PCDHGA3: variants seen among roughly 807,000 people sequenced by gnomAD.
PCDHGA3 encodes the protein protocadherin gamma-A3.
In PCDHGA3, 40 loss-of-function variants were observed where a neutral mutation model predicts 58.5. That is an observed-to-expected ratio of 0.68 (90% confidence interval 0.53 to 0.89). The LOEUF (loss-of-function observed/expected upper bound fraction) is 0.89. Among genes scored for constraint, PCDHGA3 ranks in the 40% least tolerant of loss-of-function variants. The pLI, the probability that PCDHGA3 is intolerant of heterozygous loss-of-function variation, is 0.00. For missense variants in PCDHGA3, 1,223 were observed against 1,195.9 expected (o/e 1.02, Z -0.33); for synonymous variants, 530 against 525.7 (o/e 1.01, Z -0.11).
chr5:141,422,272 A>T, intron 1 of PCDHGA3: 13 of 1,561,362 alleles, frequency 8.3e-6, no homozygotes, highest in Non-Finnish European at 1.1e-5. Context: ...TCCAGAAATA[A>T]CTATCACCTC....
rs996556361 is a variant in PCDHGA3, at chr5:141,511,290, A to G, written c.*117A>G. 1.3e-6 allele frequency: 2 copies of G among 1,516,984 alleles called. No homozygotes were observed. The highest frequency in any genetic ancestry group is 1.8e-6 in the Non-Finnish European group (2 of 1,129,124). The allele number at this position is 1,516,984 out of a possible 1,614,324, so 94.0% of individuals were successfully genotyped here. ...AACCCCCAGAATACTGGTAGGGGCC[A>G]AGGCCATGCTCCCCTTGGGAAACAG... is the stretch of plus-strand genomic sequence containing the variant. On this transcript the variant is annotated 3_prime_UTR_variant, in exon 4 of 4. Coordinates refer to ENST00000253812, the MANE Select transcript of PCDHGA3 (RefSeq NM_018916.4).
At chr5:141,433,401 A>ATCTATCTATCTC (rs1444244130) in intron 1 of PCDHGA3, among the ~76,000 whole-genome samples, 15 of 150,598 alleles carry the variant, frequency 1.0e-4, no homozygotes, top group African/African-American at 3.4e-4. Flanking sequence ...CTATCTATCT[A>ATCTATCTATCTC]TCTATTACTT....
intron 1 of PCDHGA3, chr5:141,364,349 G>T (rs758855393): frequency 6.5e-6 from 10 of 1,549,456 alleles, no homozygotes; most frequent in Middle Eastern, 1.7e-4. Context: ...TCCACCTAGG[G>T]GCTGGGGCTG....
At chr5:141,388,597 A>G (rs1277451358) in intron 1 of PCDHGA3, 1 of 1,613,752 alleles carries the variant, frequency 6.2e-7, no homozygotes, top group Non-Finnish European at 8.5e-7. Context: ...GCCAATGATA[A>G]TGCTCCAGTG....
intron 1 of PCDHGA3, chr5:141,415,950 A>G (rs996935488): frequency 4.0e-6 from 2 of 498,646 alleles, no homozygotes; most frequent in Non-Finnish European, 6.1e-6. Flanking sequence ...GGGTGGTCAC[A>G]TATTGAAACT....
chr5:141,464,306 A>G (rs1438401635), intron 1 of PCDHGA3, among the ~76,000 whole-genome samples: 3 of 150,952 alleles, frequency 2.0e-5, no homozygotes. Context: ...TTGTATGTGC[A>G]CATATCATTA....
chr5:141,348,328 G>A (rs933861789), intron 1 of PCDHGA3, among the ~76,000 whole-genome samples: 4 of 152,170 alleles, frequency 2.6e-5, no homozygotes, highest in African/African-American at 7.2e-5. Context: ...GAATTTAAAA[G>A]GCCCATAGCC....
chr5:141,508,409 G>T (rs143032030), intron 3 of PCDHGA3: 4 of 152,276 alleles, frequency 2.6e-5, no homozygotes, highest in South Asian at 2.1e-4. Context: ...CTTGAGCCAC[G>T]CAGAGACTTG....
Position 141,474,403 on chromosome 5 carries a change from C to T in PCDHGA3, c.2425-20404C>T, listed in dbSNP as rs553745731. ...ATTTCTGCATTTCTAACAAGCTCCC[C>T]GGTGATGCCTAGACCATTGGTCCTC... is the stretch of plus-strand genomic sequence containing the variant. On this transcript the variant is annotated intron_variant, in intron 1 of 3. Coordinates refer to ENST00000253812, the MANE Select transcript of PCDHGA3 (RefSeq NM_018916.4). Among the ~76,000 whole-genome samples, 121 of 152,282 alleles carry T rather than the reference C, an allele frequency of 7.9e-4. 1 individual carries two copies. Among genetic ancestry groups the T allele is most frequent in the Admixed American group, 3.9e-3 (59 of 15,292 alleles).
chr5:141,408,108 A>T, intron 1 of PCDHGA3: 1 of 1,441,874 alleles, frequency 6.9e-7, no homozygotes, highest in Non-Finnish European at 9.1e-7. Flanking sequence ...GAGACCCGGG[A>T]CTCCTCCTGT....
At chr5:141,478,074 A>G in intron 1 of PCDHGA3, 1 of 1,614,090 alleles carries the variant, frequency 6.2e-7, no homozygotes, top group Non-Finnish European at 8.5e-7. Context: ...GACAATGGGG[A>G]GCCTTCGCTC....
rs1156915249 is a variant in PCDHGA3, at chr5:141,426,840, G to C, written c.2425-67967G>C. 8.8e-6 allele frequency: 4 copies of C among 456,584 alleles called. No individual in the cohort carries two copies. In the East Asian group the frequency reaches 2.8e-4, roughly 32 times the overall value. The allele number at this position is 456,584 out of a possible 1,614,324, so 28.3% of individuals were successfully genotyped here. A position where few individuals can be genotyped will look rare whatever the true frequency, so the allele number is the denominator to read the frequency against. On this transcript the variant is annotated intron_variant, in intron 1 of 3. Transcript: ENST00000253812. Reference sequence around the variant, plus strand: ...CTCTCTGATGATGGACAAGACTAAAGGCAAGAACGCTCCAGAATTAGTGCT... The same window carrying C: ...CTCTCTGATGATGGACAAGACTAAACGCAAGAACGCTCCAGAATTAGTGCT...
At chr5:141,375,723 C>G in intron 1 of PCDHGA3, 1 of 1,614,274 alleles carries the variant, frequency 6.2e-7, no homozygotes, top group Non-Finnish European at 8.5e-7. Context: ...AGCAACGTGT[C>G]ACTGAGCCTG....
Position 141,485,875 on chromosome 5 carries a change from C to T in PCDHGA3, c.2425-8932C>T, listed in dbSNP as rs1254918181. The T allele has an allele frequency of 1.9e-6, 3 of 1,614,150 alleles. No homozygotes were observed. The highest frequency in any genetic ancestry group is 2.2e-5 in the East Asian group (1 of 44,862). On this transcript the variant is annotated intron_variant, in intron 1 of 3. Transcript: ENST00000253812. This position sits in a 1 kb window ranked among gnomAD's most constrained non-coding sequence, Gnocchi z 5.7. ...CAGAGCTCCGGGTATCCGTGCTGGACGTAAACGACAACGCCCCAGCCTTCC... is the reference window on the plus strand; with the variant it reads ...CAGAGCTCCGGGTATCCGTGCTGGATGTAAACGACAACGCCCCAGCCTTCC...
chr5:141,414,793 G>A lies in PCDHGA3; in HGVS notation c.2424+68336G>A, dbSNP rs756653393. On this transcript the variant is annotated intron_variant, in intron 1 of 3. Transcript: ENST00000253812. ...GCTACAGATGCAGGTGACAGCCAGCGACAGCGGGGATCCTCCACTCAGCAG... is the reference window on the plus strand; with the variant it reads ...GCTACAGATGCAGGTGACAGCCAGCAACAGCGGGGATCCTCCACTCAGCAG... 2.5e-6 allele frequency: 4 copies of A among 1,614,100 alleles called. No individual in the cohort carries two copies. The African/African-American group carries it at 4.0e-5, about 16-fold the overall frequency.
At chr5:141,368,717 A>C (rs1429759647) in intron 1 of PCDHGA3, among the ~76,000 whole-genome samples, 2 of 152,218 alleles carry the variant, frequency 1.3e-5, no homozygotes, top group Non-Finnish European at 2.9e-5. Flanking sequence ...TACATTTTGA[A>C]TGTATGTACT....
intron 2 of PCDHGA3, among the ~76,000 whole-genome samples, chr5:141,495,471 G>A (rs2099761632): frequency 6.6e-6 from 1 of 152,190 alleles, no homozygotes; most frequent in Non-Finnish European, 1.5e-5. Context: ...TGGGGTCTCC[G>A]TGTCTCTGCC....
intron 1 of PCDHGA3, chr5:141,371,293 A>T (rs748951789): frequency 1.2e-6 from 2 of 1,614,006 alleles, no homozygotes; most frequent in Non-Finnish European, 1.7e-6. Context: ...AAAACGGGGG[A>T]ACTCACCACT....
At chr5:141,413,270 C>T (rs2095621736) in intron 1 of PCDHGA3, 5 of 1,613,924 alleles carry the variant, frequency 3.1e-6, no homozygotes, top group Non-Finnish European at 4.2e-6. Flanking sequence ...GAGGCTGGAG[C>T]CCGGCAGATC....
Sources: gnomAD v4.1 joint callset for allele counts (sites outside exome capture counted in the v4.1 genomes callset) on GRCh38, gnomAD v4.1.1 for gene constraint, Gnocchi (gnomAD v3.1) non-coding constraint, MANE v1.5 for transcripts, NCBI Gene and HGNC (gene_info 2026-07-23, HGNC 2026-07-21) for gene names.